Variants in VPS13C observed in about 807,000 individuals in gnomAD.
The protein encoded by VPS13C is intermembrane lipid transfer protein VPS13C.
VPS13C carries 358 observed loss-of-function variants against 456.8 expected under a neutral mutation model. The ratio of observed to expected loss-of-function variants is 0.78; its 90% CI spans 0.72 to 0.86. The LOEUF (loss-of-function observed/expected upper bound fraction) is 0.86, where lower values mean the gene tolerates loss of function less well. Among genes scored for constraint, VPS13C ranks in the 40% least tolerant of loss-of-function variants. The pLI, the probability that VPS13C is intolerant of heterozygous loss-of-function variation, is 0.00. For synonymous variants in VPS13C, 1,578 were observed against 1,486.7 expected (o/e 1.06, Z -1.41); for missense variants, 4,818 against 4,385.4 (o/e 1.10, Z -2.79).
At position 61,856,401 on chromosome 15, in the gene VPS13C, A is replaced by G. The variant is rs1893906651; in HGVS notation, c.10961T>C (p.Leu3654Ser). The change falls in exon 83 of 85, where the codon TTG becomes TCG. Residue 3654 changes from leucine (L) to serine (S), a missense_variant. Physicochemically the swap from Leu to Ser is moderately radical, Grantham distance 145. Transcript: ENST00000644861. ...TILMVTNRRV[L>S]CIKEVEILGL... ...CAGGATTTCAACTTCCTTTATACACAACACTCGCCTATTTTGCAAAAGAAA... is the reference window on the plus strand; with the variant it reads ...CAGGATTTCAACTTCCTTTATACACGACACTCGCCTATTTTGCAAAAGAAA... The G allele has an allele frequency of 6.2e-7, 1 of 1,610,726 alleles. No homozygotes were observed. The highest frequency in any genetic ancestry group is 8.5e-7 in the Non-Finnish European group (1 of 1,178,920).
chr15:61,955,354 A>G (rs1319012369), intron 37 of VPS13C, among the ~76,000 whole-genome samples: 1 of 152,136 alleles, frequency 6.6e-6, no homozygotes, highest in Non-Finnish European at 1.5e-5. Flanking sequence ...CAAATGGCAG[A>G]GCCCAAATTC....
At chr15:61,881,886 A>G in intron 69 of VPS13C, 58 bp from the exon 70 acceptor site, 1 of 1,465,706 alleles carries the variant, frequency 6.8e-7, no homozygotes, top group Non-Finnish European at 9.2e-7. Flanking sequence ...TTTTAGTTTC[A>G]AAGATAATGT....
intron 45 of VPS13C, among the ~76,000 whole-genome samples, chr15:61,944,605 T>A (rs7177173): frequency 0.66 from 100,856 of 151,918 alleles, 34,352 homozygotes; most frequent in East Asian, 0.85. Flanking sequence ...GGATGTAACA[T>A]TGGGAAAAAA....
At chr15:61,918,531 T>G (rs763053400) in intron 58 of VPS13C, among the ~76,000 whole-genome samples, 1 of 152,066 alleles carries the variant, frequency 6.6e-6, no homozygotes, top group Non-Finnish European at 1.5e-5. Flanking sequence ...ATATGTATTA[T>G]TCTCTGAAGA....
chr15:61,981,395 C>A lies in VPS13C; in HGVS notation c.2113G>T (p.Gly705Cys). The change falls in exon 22 of 85, where the codon GGT (glycine) becomes TGT (cysteine). Residue 705 changes from glycine to cysteine, a missense_variant. This residue lies in a region of VPS13C where 4,552 missense variants were observed against 4,130.6 expected (regional missense o/e 1.10). Coordinates refer to ENST00000644861, the MANE Select transcript of VPS13C (RefSeq NM_020821.3). ...KPSYLVVPQTGFHHEKSDLLI... is the reference protein window; with the variant it reads ...KPSYLVVPQTCFHHEKSDLLI... ...AGATCTGACTTTTCATGGTGGAAAC[C>A]CGTCTGTGGAACTACTAGATAAGAA... The A allele has an allele frequency of 6.2e-7, 1 of 1,611,966 alleles. No individual in the cohort carries two copies. Among genetic ancestry groups the A allele is most frequent in the Non-Finnish European group, 8.5e-7 (1 of 1,179,192 alleles).
intron 8 of VPS13C, among the ~76,000 whole-genome samples, chr15:62,022,085 A>G (rs2047483145): frequency 6.6e-6 from 1 of 151,870 alleles, no homozygotes; most frequent in Non-Finnish European, 1.5e-5. Context: ...AATAGTGCTG[A>G]AATGAACAAG....
chr15:61,874,962 A>T lies in VPS13C; in HGVS notation c.10339-11T>A. 6.5e-7 allele frequency: 1 copy of T among 1,536,122 alleles called. No individual in the cohort carries two copies. Among genetic ancestry groups the T allele is most frequent in the Non-Finnish European group, 8.7e-7 (1 of 1,150,882 alleles). ...GCCTTGAACAGCACCCTGGCAAAAA[A>T]AAATAAAAAATAATCTTATTATTTA... On this transcript the variant is annotated splice_polypyrimidine_tract_variant and intron_variant, in intron 76 of 84. Transcript: ENST00000644861.
At position 61,852,951 on chromosome 15, in the gene VPS13C, A is replaced by G. The variant is rs1338000331; in HGVS notation, c.*1506T>C. 6.6e-6 allele frequency: 1 copy of G among 152,206 alleles called. No individual in the cohort carries two copies. The highest frequency in any genetic ancestry group is 1.5e-5 in the Non-Finnish European group (1 of 68,032). The allele number at this position is 152,206 out of a possible 1,614,324, so 9.4% of individuals were successfully genotyped here. ...ATCACACATAAACAAAAATAGAGCAAACCAAGCGTGTCCACATCTCCATGA... is the reference window on the plus strand; with the variant it reads ...ATCACACATAAACAAAAATAGAGCAGACCAAGCGTGTCCACATCTCCATGA... On this transcript the variant is annotated 3_prime_UTR_variant, in exon 85 of 85. Transcript: ENST00000644861.
At chr15:61,925,352 G>A in intron 53 of VPS13C, 104 bp downstream of exon 53, 1 of 553,614 alleles carries the variant, frequency 1.8e-6, no homozygotes, top group Non-Finnish European at 3.0e-6. Context: ...CTAGCATAAT[G>A]CTTGAGTTAT....
chr15:61,920,203 G>T lies in VPS13C; in HGVS notation c.7341C>A (p.Phe2447Leu). ...CATCAAAAATATCACTTTTCTCAGG[G>T]AAGCCCATTACTCTGAGATTACAAT... Reference protein sequence around the residue: ...KPNCNLRVMGFPEKSDIFDVD... With the variant: ...KPNCNLRVMGLPEKSDIFDVD... Residue 2447 changes from phenylalanine to leucine, a missense_variant, in exon 57 of 85, where the codon TTC becomes TTA. Phe to Leu is a conservative substitution (Grantham distance 22). Around this residue, in one of 3 missense-constraint regions of VPS13C, gnomAD observed 4,552 missense variants for 4,130.6 expected, o/e 1.10. Transcript: ENST00000644861. 6.2e-7 allele frequency: 1 copy of T among 1,613,476 alleles called. No homozygotes were observed. Among genetic ancestry groups the T allele is most frequent in the East Asian group, 2.2e-5 (1 of 44,852 alleles).
chr15:62,019,211 C>T (rs1032800474), intron 9 of VPS13C, among the ~76,000 whole-genome samples: 5 of 151,996 alleles, frequency 3.3e-5, no homozygotes, highest in Admixed American at 1.3e-4. Flanking sequence ...AGCAGTCTAT[C>T]GATTTTGTTG....
At chr15:62,010,739 TATTTAAGCA>T (rs2047010033) in intron 12 of VPS13C, 140 bp from the exon 13 acceptor site, 1 of 920,950 alleles carries the variant, frequency 1.1e-6, no homozygotes, top group Non-Finnish European at 1.5e-6. Flanking sequence ...TACCAAAAAA[TATTTAAGCA>T]ATTTAAGCTT....
intron 15 of VPS13C, among the ~76,000 whole-genome samples, chr15:62,001,252 G>T (rs556755553): frequency 6.6e-6 from 1 of 152,274 alleles, no homozygotes; most frequent in African/African-American, 2.4e-5. Context: ...AGAAACTTGT[G>T]TCCATAATCA....
intron 4 of VPS13C, among the ~76,000 whole-genome samples, chr15:62,034,276 G>GT: frequency 6.6e-6 from 1 of 151,544 alleles, no homozygotes; most frequent in South Asian, 2.1e-4. Flanking sequence ...ATATAATGTG[G>GT]TAACAGCTAC....
chr15:62,007,536 G>T (rs542801980), intron 14 of VPS13C, 57 bp from the exon 15 acceptor site: 2 of 1,391,450 alleles, frequency 1.4e-6, no homozygotes, highest in African/African-American at 1.5e-5. Context: ...GAGAAAACAG[G>T]AAAAGTCTTG....
rs1240972603 is a variant in VPS13C at position 62,012,280 on chromosome 15, T to A, written c.826-116A>T. On this transcript the variant is annotated intron_variant, in intron 11 of 84. Transcript: ENST00000644861. ...CACAAAGCTTGGTTCTTCATCAATA[T>A]CTTTGCTTCTCTGTTACTAGTAGTC... 18 of 562,196 alleles carry A rather than the reference T, an allele frequency of 3.2e-5. No homozygotes were observed. In the Admixed American group the frequency reaches 5.4e-4, roughly 17 times the overall value. The allele number at this position is 562,196 out of a possible 1,614,324, so 34.8% of individuals were successfully genotyped here.
intron 75 of VPS13C, 93 bp downstream of exon 75, chr15:61,876,880 A>T: frequency 1.2e-6 from 1 of 866,246 alleles, no homozygotes; most frequent in Non-Finnish European, 1.7e-6. Flanking sequence ...GAGATAAATT[A>T]GATAAACATT....
chr15:62,044,892 T>C (rs903436337), intron 1 of VPS13C, among the ~76,000 whole-genome samples: 12 of 152,036 alleles, frequency 7.9e-5, no homozygotes, highest in African/African-American at 2.7e-4. Context: ...AAGGAAAAAG[T>C]TTTCATTTCA....
Position 61,882,713 on chromosome 15 carries a change from C to A in VPS13C, c.9507G>T (p.Met3169Ile), listed in dbSNP as rs1277267765. The stretch of plus-strand genomic sequence containing the variant: ...GGCTACGAATAGGGAGGCGCATTTC[C>A]ATTGGATCTTTATCAAAATTGACCT... ...NFEVNFDKDP[M>I]EMRLPIRSPI... Residue 3169 changes from methionine (M) to isoleucine (I), a missense_variant, in exon 69 of 85, where the codon ATG becomes ATT. Coordinates refer to ENST00000644861, the MANE Select transcript of VPS13C (RefSeq NM_020821.3). 1 of 1,586,868 alleles carries A rather than the reference C, an allele frequency of 6.3e-7. No homozygotes were observed.
Sources: gnomAD v4.1 joint callset for allele counts (sites outside exome capture counted in the v4.1 genomes callset) on GRCh38, gnomAD v4.1.1 for gene constraint, gnomAD v4.1.1 regional missense constraint, MANE v1.5 for transcripts, NCBI Gene and HGNC (gene_info 2026-07-23, HGNC 2026-07-21) for gene names.